Variants in CLDN16 observed in about 807,000 individuals in gnomAD.
CLDN16 encodes claudin-16.
In CLDN16, 13 loss-of-function variants were observed where a neutral mutation model predicts 24.6. The ratio of observed to expected loss-of-function variants is 0.53; its 90% CI spans 0.34 to 0.84. CLDN16 has a LOEUF of 0.84. CLDN16 is among the 40% of genes least tolerant of loss of function. The pLI is 0.01. For synonymous variants in CLDN16, 116 were observed against 106.7 expected (o/e 1.09, Z -0.54); for missense variants, 298 against 292.7 (o/e 1.02, Z -0.13).
chr3:190,312,727 G>A, the CLDN16 span: 2 of 861,314 alleles, frequency 2.3e-6, no homozygotes, highest in Non-Finnish European at 3.8e-6. Context: ...TTGTGTTTGA[G>A]AACATGAAAG....
At chr3:190,302,681 G>C in the CLDN16 span, among the ~76,000 whole-genome samples, 1 of 151,736 alleles carries the variant, frequency 6.6e-6, no homozygotes, top group Non-Finnish European at 1.5e-5. Context: ...TTAGGCAGGA[G>C]AATTGCTTGA....
intron 1 of CLDN16, among the ~76,000 whole-genome samples, chr3:190,395,442 G>T (rs1465555234): frequency 1.3e-5 from 2 of 152,070 alleles, no homozygotes; most frequent in South Asian, 4.2e-4. Context: ...TAGGCCCTGG[G>T]ATAGTAAAAA....
chr3:190,319,590 C>T (rs1716863165), upstream of CLDN16, among the ~76,000 whole-genome samples: 1 of 152,184 alleles, frequency 6.6e-6, no homozygotes, highest in Admixed American at 6.5e-5. Context: ...TTTAATACTT[C>T]CCGTGCTAAA....
At chr3:190,367,132 C>T (rs1718041201) in intron 1 of CLDN16, among the ~76,000 whole-genome samples, 1 of 151,900 alleles carries the variant, frequency 6.6e-6, no homozygotes, top group Non-Finnish European at 1.5e-5. Context: ...ATTAGAGACA[C>T]TCATTTGTCA....
chr3:190,398,901 TTAATTTACGTG>T (rs1318070120), intron 1 of CLDN16, among the ~76,000 whole-genome samples: 1 of 152,166 alleles, frequency 6.6e-6, no homozygotes, highest in African/African-American at 2.4e-5. Context: ...ATATATAAAT[TTAATTTACGTG>T]TAATGCACAT....
At chr3:190,322,237 G>A (rs779558274), upstream of CLDN16, 1 of 1,600,372 alleles carries the variant, frequency 6.2e-7, no homozygotes, top group Non-Finnish European at 8.6e-7. Flanking sequence ...CTGGCTCAGG[G>A]GTGGCAGGTG....
intron 1 of CLDN16, among the ~76,000 whole-genome samples, chr3:190,356,332 G>A (rs1717773387): frequency 6.6e-6 from 1 of 151,640 alleles, no homozygotes; most frequent in African/African-American, 2.4e-5. Context: ...AGTGTGATAA[G>A]ATCTGAAAGT....
At chr3:190,346,939 G>C (rs1296543759) in intron 1 of CLDN16, among the ~76,000 whole-genome samples, 1 of 152,132 alleles carries the variant, frequency 6.6e-6, no homozygotes, top group African/African-American at 2.4e-5. Flanking sequence ...CTTCCGAAAA[G>C]CTCCTATTTC....
chr3:190,294,572 T>C, the CLDN16 span, among the ~76,000 whole-genome samples: 1 of 152,178 alleles, frequency 6.6e-6, no homozygotes, highest in Non-Finnish European at 1.5e-5. Flanking sequence ...AAACATGTCC[T>C]GTTTAAACAA....
At chr3:190,390,283 T>C (rs1358183241) in intron 1 of CLDN16, among the ~76,000 whole-genome samples, 1 of 146,570 alleles carries the variant, frequency 6.8e-6, no homozygotes, top group African/African-American at 2.4e-5. Flanking sequence ...ATGCCTGTAA[T>C]CCCAATACTT....
intron 1 of CLDN16, among the ~76,000 whole-genome samples, chr3:190,365,199 T>A (rs1471251187): frequency 2.0e-5 from 3 of 151,992 alleles, no homozygotes; most frequent in Middle Eastern, 3.4e-3. Context: ...TGTCCTTGCA[T>A]CAGGTGATTG....
intron 3 of CLDN16, among the ~76,000 whole-genome samples, chr3:190,377,794 A>G (rs903070380): frequency 3.3e-5 from 5 of 151,990 alleles, no homozygotes; most frequent in African/African-American, 7.2e-5. Flanking sequence ...AGGTAGAGCT[A>G]AAAGTGTAAA....
intron 1 of CLDN16, among the ~76,000 whole-genome samples, chr3:190,366,015 C>T (rs553946083): frequency 5.9e-5 from 9 of 151,902 alleles, no homozygotes; most frequent in South Asian, 2.1e-4. Context: ...GATTCATGTT[C>T]GGAAAGCAAG....
intron 1 of CLDN16, among the ~76,000 whole-genome samples, chr3:190,356,134 A>G (rs1027080401): frequency 4.6e-5 from 7 of 151,792 alleles, no homozygotes; most frequent in African/African-American, 1.7e-4. Flanking sequence ...TCATTTTGGT[A>G]GGCTAAGCAT....
intron 2 of CLDN16, among the ~76,000 whole-genome samples, chr3:190,374,095 G>T (rs1335634473): frequency 1.3e-5 from 2 of 151,688 alleles, no homozygotes; most frequent in Admixed American, 6.6e-5. Flanking sequence ...TAGCTCGTTG[G>T]GTTTTATGTC....
At chr3:190,295,909 C>G in the CLDN16 span, among the ~76,000 whole-genome samples, 1 of 152,146 alleles carries the variant, frequency 6.6e-6, no homozygotes, top group African/African-American at 2.4e-5. Context: ...AGGCATTTTT[C>G]TTCTCCAGCC....
At chr3:190,369,855 GT>G (rs1718099631) in intron 1 of CLDN16, among the ~76,000 whole-genome samples, 1 of 151,894 alleles carries the variant, frequency 6.6e-6, no homozygotes, top group African/African-American at 2.4e-5. Flanking sequence ...GTTTAGACTT[GT>G]TTGTTGCAGG....
chr3:190,388,357 T>G lies in CLDN16; in HGVS notation c.28T>G (p.Cys10Gly), dbSNP rs769827846. The G allele has an allele frequency of 6.2e-7, 1 of 1,614,144 alleles. No homozygotes were observed. The highest frequency in any genetic ancestry group is 8.5e-7 in the Non-Finnish European group (1 of 1,180,006). ...GAGGGATCTTCTTCAATACATCGCT[T>G]GCTTCTTTGCCTTTTTCTCTGCTGG... The part of the protein sequence containing the change: MRDLLQYIA[C>G]FFAFFSAGFL... The change falls in exon 1 of 5, where the codon TGC (cysteine) becomes GGC (glycine). Residue 10 changes from cysteine (C) to glycine (G), a missense_variant. Cys to Gly is a radical substitution (Grantham distance 159). Coordinates refer to ENST00000264734, the MANE Select transcript of CLDN16 (RefSeq NM_006580.4).
chr3:190,303,180 A>G, the CLDN16 span, among the ~76,000 whole-genome samples: 2 of 152,214 alleles, frequency 1.3e-5, no homozygotes, highest in African/African-American at 4.8e-5. Flanking sequence ...AAGCTTATAT[A>G]TCTTTGCTGT....
Sources: allele counts gnomAD v4.1 joint callset (sites outside exome capture counted in the v4.1 genomes callset), GRCh38; gene constraint gnomAD v4.1.1; transcripts MANE v1.5; gene names NCBI Gene and HGNC (gene_info 2026-07-23, HGNC 2026-07-21).